The following HPS3 variants were observed in gnomAD, a reference collection of about 807,000 sequenced individuals.
HPS3 encodes BLOC-2 complex member HPS3.
In HPS3, 79 loss-of-function variants were observed where a neutral mutation model predicts 110.9. That is an observed-to-expected ratio of 0.71 (90% CI 0.59 to 0.86). The LOEUF (loss-of-function observed/expected upper bound fraction) is 0.86. HPS3 is among the 40% of genes least tolerant of loss of function. HPS3 has a pLI of 0.00. For missense variants in HPS3, 1,197 were observed against 1,206.2 expected (o/e 0.99, Z 0.11); for synonymous variants, 428 against 451.0 (o/e 0.95, Z 0.65).
rs1384459807 is a variant in HPS3, at chr3:149,171,133, C to T, written c.2888-962C>T. Among the ~76,000 whole-genome samples, 3 of 152,156 alleles carry T rather than the reference C, an allele frequency of 2.0e-5. No individual in the cohort carries two copies. The East Asian group carries it at 5.8e-4, about 29-fold the overall frequency. On this transcript the variant is annotated intron_variant, in intron 16 of 16. Transcript: ENST00000296051. ...TCTCTACTAAAAATACAAAAATTAG[C>T]TGGACGTGGTGGTGCGCACCTGTAG...
Position 149,167,166 on chromosome 3 carries a change from A to G in HPS3, c.2722A>G (p.Ile908Val). 2 of 1,613,442 alleles carry G rather than the reference A, an allele frequency of 1.2e-6. No individual in the cohort carries two copies. The highest frequency in any genetic ancestry group is 1.3e-5 in the African/African-American group (1 of 75,042). The change falls in exon 15 of 17, where the codon ATA becomes GTA. Residue 908 changes from isoleucine to valine, a missense_variant. Ile to Val is a conservative substitution (Grantham distance 29). Coordinates refer to ENST00000296051, the MANE Select transcript of HPS3 (RefSeq NM_032383.5). ...RTRLKEYEQC[I>V]DILLERCPEA... Reference sequence around the variant, plus strand: ...ACGCTTGAAAGAGTATGAACAGTGCATAGACATACTGTTAGAGAGATGCCC... The same window carrying G: ...ACGCTTGAAAGAGTATGAACAGTGCGTAGACATACTGTTAGAGAGATGCCC...
intron 15 of HPS3, 27 bp downstream of exon 15, chr3:149,167,267 G>C: frequency 3.9e-6 from 6 of 1,555,812 alleles, no homozygotes; most frequent in Non-Finnish European, 5.3e-6. Context: ...TATGTTTTTA[G>C]GCTTGATCAG....
Position 149,160,062 on chromosome 3 carries a change from T to A in HPS3, c.1889T>A (p.Val630Glu). Residue 630 changes from valine to glutamate, a missense_variant, in exon 11 of 17, where the codon GTG becomes GAG. Transcript: ENST00000296051. ...EELNEELAAK[V>E]VQMFYVAEPK... ...TCACCAAAGGAATTAGCAGCAAAAG[T>A]GGTTCAGATGTTTTATGTGGCTGAG... is the stretch of plus-strand genomic sequence containing the variant. The A allele has an allele frequency of 6.2e-7, 1 of 1,613,718 alleles. No individual in the cohort carries two copies. The highest frequency in any genetic ancestry group is 8.5e-7 in the Non-Finnish European group (1 of 1,179,652).
chr3:149,162,133 C>T lies in HPS3; in HGVS notation c.2107-15C>T, dbSNP rs777599532. Reference sequence around the variant, plus strand: ...CAATGTACCTTTTGTTCCTAAATTTCTTTCTTATCTGAAGATGAAGTTGGT... The same window carrying T: ...CAATGTACCTTTTGTTCCTAAATTTTTTTCTTATCTGAAGATGAAGTTGGT... On this transcript the variant is annotated splice_polypyrimidine_tract_variant and intron_variant, in intron 11 of 16. Coordinates refer to ENST00000296051, the MANE Select transcript of HPS3 (RefSeq NM_032383.5). 7 of 1,610,420 alleles carry T rather than the reference C, an allele frequency of 4.3e-6. No individual in the cohort carries two copies. The highest frequency in any genetic ancestry group is 4.0e-5 in the African/African-American group (3 of 74,822).
chr3:149,129,772 C>T lies in HPS3; in HGVS notation c.49C>T (p.Pro17Ser). 1 of 1,608,058 alleles carries T rather than the reference C, an allele frequency of 6.2e-7. No homozygotes were observed. Among genetic ancestry groups the T allele is most frequent in the Non-Finnish European group, 8.5e-7 (1 of 1,178,786 alleles). ...LHPFGSQQVV[P>S]CKLEPDRFCG... Reference sequence around the variant, plus strand: ...CCCGTTCGGGTCGCAGCAGGTGGTGCCCTGCAAGCTGGAGCCGGACCGGTT... The same window carrying T: ...CCCGTTCGGGTCGCAGCAGGTGGTGTCCTGCAAGCTGGAGCCGGACCGGTT... The change falls in exon 1 of 17, where the codon CCC becomes TCC. Residue 17 changes from proline to serine, a missense_variant. Coordinates refer to ENST00000296051, the MANE Select transcript of HPS3 (RefSeq NM_032383.5).
At chr3:149,146,517 G>A (rs535724921) in intron 5 of HPS3, among the ~76,000 whole-genome samples, 3 of 152,306 alleles carry the variant, frequency 2.0e-5, no homozygotes, top group Non-Finnish European at 4.4e-5. Context: ...AACAAAAACT[G>A]TATCAAGTTT....
chr3:149,142,630 C>T (rs566534257), intron 4 of HPS3, among the ~76,000 whole-genome samples: 12 of 151,740 alleles, frequency 7.9e-5, no homozygotes, highest in African/African-American at 2.9e-4. Context: ...AATATTATTC[C>T]GATTAAATGT....
At chr3:149,171,530 A>G (rs1481905365) in intron 16 of HPS3, among the ~76,000 whole-genome samples, 1 of 152,228 alleles carries the variant, frequency 6.6e-6, no homozygotes, top group Non-Finnish European at 1.5e-5. Flanking sequence ...AAAATAATAT[A>G]GTAATTCAGC....
chr3:149,139,821 T>C (rs1330141973), intron 1 of HPS3, among the ~76,000 whole-genome samples, 183 bp from the exon 2 acceptor site: 1 of 152,222 alleles, frequency 6.6e-6, no homozygotes, highest in Non-Finnish European at 1.5e-5. Flanking sequence ...AGATTGCATT[T>C]CAGAACCTCA....
chr3:149,130,087 C>T, intron 1 of HPS3, 147 bp downstream of exon 1: 1 of 744,154 alleles, frequency 1.3e-6, no homozygotes, highest in Non-Finnish European at 2.2e-6. Flanking sequence ...GGTCTGGCCG[C>T]TGATTGCTTG....
At chr3:149,153,796 G>A (rs900600398) in intron 7 of HPS3, 148 bp downstream of exon 7, 12 of 802,638 alleles carry the variant, frequency 1.5e-5, no homozygotes, top group African/African-American at 3.4e-5. Context: ...AGAAAAGAAG[G>A]TTCTAACAAT....
intron 1 of HPS3, among the ~76,000 whole-genome samples, chr3:149,134,686 A>G (rs919657565): frequency 2.0e-5 from 3 of 152,214 alleles, no homozygotes; most frequent in Non-Finnish European, 4.4e-5. Context: ...CCGCTGATCT[A>G]GAGCAGTACT....
rs73166808 is a variant in HPS3 at position 149,160,456 on chromosome 3, A to G, written c.2106+177A>G. On this transcript the variant is annotated intron_variant, in intron 11 of 16. Coordinates refer to ENST00000296051, the MANE Select transcript of HPS3 (RefSeq NM_032383.5). ...TTCGGATCTGGCAAATGAAAAATAA[A>G]TAAGACTGATAAATGACAGCAGTGG... Among the ~76,000 whole-genome samples the G allele has an allele frequency of 0.16, 24,235 of 152,242 alleles. 2,497 individuals are homozygous for G. The highest frequency in any genetic ancestry group is 0.27 in the East Asian group (1,420 of 5,178).
chr3:149,149,327 A>T (rs1043204528), intron 5 of HPS3, among the ~76,000 whole-genome samples: 10 of 152,018 alleles, frequency 6.6e-5, no homozygotes, highest in African/African-American at 2.2e-4. Flanking sequence ...AGCTATTCTC[A>T]TCTGTCCTTC....
intron 7 of HPS3, among the ~76,000 whole-genome samples, chr3:149,154,721 C>T (rs970219454): frequency 2.6e-5 from 4 of 152,132 alleles, no homozygotes; most frequent in Admixed American, 2.6e-4. Context: ...GTTGCTTCTG[C>T]TTAGATTTGT....
intron 1 of HPS3, among the ~76,000 whole-genome samples, chr3:149,137,368 C>A (rs1280711358): frequency 1.3e-5 from 2 of 152,098 alleles, no homozygotes; most frequent in Admixed American, 1.3e-4. Context: ...TTAAACGTTG[C>A]TGGTAGGAAT....
At chr3:149,150,279 AC>A (rs1449802029) in intron 5 of HPS3, among the ~76,000 whole-genome samples, 2 of 152,124 alleles carry the variant, frequency 1.3e-5, no homozygotes, top group African/African-American at 4.8e-5. Flanking sequence ...GAAGATACTG[AC>A]CCAGATCCAT....
rs529453178 is a variant in HPS3, at chr3:149,150,794, T to C, written c.1245+114T>C. The C allele has an allele frequency of 1.1e-4, 90 of 828,074 alleles. No individual in the cohort carries two copies. In the South Asian group the frequency reaches 1.2e-3, roughly 11 times the overall value. 51.3% of individuals were successfully genotyped at this position (828,074 alleles called of 1,614,324 possible). A position where few individuals can be genotyped will look rare whatever the true frequency, so the allele number is the denominator to read the frequency against. Reference sequence around the variant, plus strand: ...GCAAGAACAAAAGAGCTTAAGGTTGTCTAATGTATTGAATTAGAACTTTTG... The same window carrying C: ...GCAAGAACAAAAGAGCTTAAGGTTGCCTAATGTATTGAATTAGAACTTTTG... On this transcript the variant is annotated intron_variant, in intron 6 of 16. Transcript: ENST00000296051.
At chr3:149,169,595 C>T (rs1724775518) in intron 16 of HPS3, among the ~76,000 whole-genome samples, 1 of 152,164 alleles carries the variant, frequency 6.6e-6, no homozygotes, top group Non-Finnish European at 1.5e-5. Flanking sequence ...CTGGTCTCTA[C>T]TCATTAGATG....
Sources: allele counts gnomAD v4.1 joint callset (sites outside exome capture counted in the v4.1 genomes callset), GRCh38; gene constraint gnomAD v4.1.1; transcripts MANE v1.5; gene names NCBI Gene and HGNC (gene_info 2026-07-23, HGNC 2026-07-21).